The following NDEL1 variants were observed in gnomAD, a reference collection of about 807,000 sequenced individuals.
NDEL1 encodes the protein nudE neurodevelopment protein 1 like 1.
A neutral mutation model predicts 45.7 loss-of-function variants in NDEL1; 9 were observed. The ratio of observed to expected loss-of-function variants is 0.20; its 90% confidence interval spans 0.12 to 0.34. The LOEUF (loss-of-function observed/expected upper bound fraction) is 0.34, where lower values mean the gene tolerates loss of function less well. NDEL1 is among the 10% of genes least tolerant of loss of function. The pLI is 1.00. For missense variants in NDEL1, 306 were observed against 406.2 expected (o/e 0.75, Z 2.12); for synonymous variants, 133 against 158.6 (o/e 0.84, Z 1.21).
At chr17:8,432,347 A>AT (rs1597516746), upstream of NDEL1, among the ~76,000 whole-genome samples, 4 of 58,434 alleles carry the variant, frequency 6.8e-5, no homozygotes, top group African/African-American at 9.9e-5. Flanking sequence ...ATTATATATA[A>AT]ATATAAATAT....
At chr17:8,446,728 G>GTACT (rs1567732382) in intron 3 of NDEL1, 26 bp from the exon 4 acceptor site, 2 of 1,611,716 alleles carry the variant, frequency 1.2e-6, no homozygotes, top group Non-Finnish European at 1.7e-6. Context: ...TTAATGACAT[G>GTACT]TACTTTCCTA....
rs747275182 is a variant in NDEL1, at chr17:8,466,987, A to G, written c.1002A>G (p.Pro334=). The G allele has an allele frequency of 6.2e-7, 1 of 1,614,106 alleles. No homozygotes were observed. The highest frequency in any genetic ancestry group is 8.5e-7 in the Non-Finnish European group (1 of 1,180,008). The part of the protein sequence containing the change: ...PPPPGLGSSR[P]SSAPGMLPLS... ...CTCCTGGTCTGGGCTCCTCGCGTCC[A>G]TCGTCAGCGCCGGGTATGCTGCCTC... Residue 334 remains proline (P), a synonymous_variant, in exon 9 of 9, where the codon CCA becomes CCG. Transcript: ENST00000334527.
chr17:8,436,475 G>A (rs954715494), intron 1 of NDEL1: 1 of 153,334 alleles, frequency 6.5e-6, no homozygotes, highest in African/African-American at 2.4e-5. Context: ...GCTTGGAGCG[G>A]GGTTGCATTT....
intron 1 of NDEL1, among the ~76,000 whole-genome samples, chr17:8,421,819 G>A (rs1908714427): frequency 6.6e-6 from 1 of 152,148 alleles, no homozygotes; most frequent in Non-Finnish European, 1.5e-5. Flanking sequence ...CCCAGGAGAG[G>A]GCTGACTCTG....
intron 2 of NDEL1, 178 bp downstream of exon 2, chr17:8,444,535 T>G: frequency 1.9e-6 from 1 of 539,684 alleles, no homozygotes; most frequent in Non-Finnish European, 3.3e-6. Flanking sequence ...AAACATGCCA[T>G]AAGTCTTTAT....
chr17:8,456,078 A>G (rs559807576), intron 7 of NDEL1, among the ~76,000 whole-genome samples: 13 of 152,078 alleles, frequency 8.5e-5, no homozygotes, highest in South Asian at 4.2e-4. Context: ...TACCCCCTTC[A>G]CTTATTTTCG....
At chr17:8,439,867 C>G (rs1256879432) in intron 1 of NDEL1, among the ~76,000 whole-genome samples, 1 of 152,118 alleles carries the variant, frequency 6.6e-6, no homozygotes, top group Non-Finnish European at 1.5e-5. Flanking sequence ...TAATGATTAT[C>G]CCCATTTTAC....
intron 3 of NDEL1, chr17:8,474,300 T>C (rs1259077354): frequency 2.6e-5 from 4 of 152,622 alleles, no homozygotes; most frequent in African/African-American, 9.6e-5. Flanking sequence ...CAAATATCTA[T>C]AATGAATAAA....
At position 8,441,584 on chromosome 17, in the gene NDEL1, C is replaced by T. The variant is rs75125213; in HGVS notation, c.-12-2676C>T. Among the ~76,000 whole-genome samples the T allele has an allele frequency of 9.0e-3, 1,376 of 152,222 alleles. 18 individuals are homozygous for T. The highest frequency in any genetic ancestry group is 0.031 in the African/African-American group (1,303 of 41,534). On this transcript the variant is annotated intron_variant, in intron 1 of 8. Coordinates refer to ENST00000334527, the MANE Select transcript of NDEL1 (RefSeq NM_030808.5). ...TAAGGATCAGGACTTTCTTCTATTGCTTTTTTTATTTTCCTGAGCTTTTAA... is the reference window on the plus strand; with the variant it reads ...TAAGGATCAGGACTTTCTTCTATTGTTTTTTTTATTTTCCTGAGCTTTTAA...
At chr17:8,466,085 A>C (rs1348391233) in intron 8 of NDEL1, 1 of 152,204 alleles carries the variant, frequency 6.6e-6, no homozygotes, top group Non-Finnish European at 1.5e-5. Flanking sequence ...GTTGCTTGCT[A>C]AACAATTTTT....
intron 1 of NDEL1, among the ~76,000 whole-genome samples, chr17:8,426,606 G>A (rs1361190857): frequency 2.6e-5 from 4 of 152,100 alleles, no homozygotes; most frequent in South Asian, 2.1e-4. Flanking sequence ...TCACGTGGTC[G>A]GGATGAGAGC....
rs768046405 is a variant in NDEL1, at chr17:8,463,333, A to G, written c.944+3173A>G. ...TTCTTTTATTAGGCAAGAAAAAGTC[A>G]TATTTCCCACGTTGTTCATGGGTAA... On this transcript the variant is annotated intron_variant, in intron 8 of 8. Transcript: ENST00000334527. 3.7e-5 allele frequency: 60 copies of G among 1,612,938 alleles called. No individual in the cohort carries two copies. In the South Asian group the frequency reaches 3.8e-4, roughly 10 times the overall value.
Position 8,467,532 on chromosome 17 carries a change from A to C in NDEL1, c.*509A>C, listed in dbSNP as rs1911682627. On this transcript the variant is annotated 3_prime_UTR_variant, in exon 9 of 9. Coordinates refer to ENST00000334527, the MANE Select transcript of NDEL1 (RefSeq NM_030808.5). This position sits in a 1 kb window ranked among gnomAD's most constrained non-coding sequence, Gnocchi z 6.3. ...TTGGGCCTGTTTCTGGCAAAGAGTC[A>C]GGAAGGTTACTGAATTAGGGAACAT... The C allele has an allele frequency of 3.3e-6, 1 of 300,106 alleles. No individual in the cohort carries two copies. The allele number at this position is 300,106 out of a possible 1,614,324, so 18.6% of individuals were successfully genotyped here.
rs1910256155 is a variant in NDEL1 at position 8,448,698 on chromosome 17, A to C, written c.526+12A>C. On this transcript the variant is annotated intron_variant, in intron 5 of 8. Transcript: ENST00000334527. ...GGATGAAGCAAGAGGTAAAATTTAT[A>C]ACTTAAAGAATACAGTTGACCCTTG... 1.9e-6 allele frequency: 3 copies of C among 1,604,048 alleles called. No homozygotes were observed. Among genetic ancestry groups the C allele is most frequent in the Non-Finnish European group, 2.6e-6 (3 of 1,173,308 alleles).
intron 1 of NDEL1, among the ~76,000 whole-genome samples, chr17:8,415,354 A>G (rs940245007): frequency 5.3e-5 from 8 of 151,572 alleles, no homozygotes; most frequent in African/African-American, 1.9e-4. Flanking sequence ...AATTTTTTGC[A>G]TTTTTTTAGA....
chr17:8,419,028 T>C (rs1366354038), intron 1 of NDEL1, among the ~76,000 whole-genome samples: 2 of 151,822 alleles, frequency 1.3e-5, no homozygotes, highest in African/African-American at 2.4e-5. Flanking sequence ...TTTTTTATTT[T>C]GTATAGACGC....
chr17:8,469,300 G>A (rs1160898755), downstream of NDEL1, among the ~76,000 whole-genome samples: 1 of 152,186 alleles, frequency 6.6e-6, no homozygotes, highest in Non-Finnish European at 1.5e-5. Context: ...ACCTCTTTAT[G>A]TAGGAACCCC....
At chr17:8,446,180 T>C (rs1910068966) in intron 3 of NDEL1, 1 of 192,796 alleles carries the variant, frequency 5.2e-6, no homozygotes, top group Admixed American at 6.0e-5. Context: ...CATTCTGCAG[T>C]ATGTTTACAA....
At chr17:8,427,942 G>T (rs1908880400) in intron 1 of NDEL1, among the ~76,000 whole-genome samples, 1 of 152,090 alleles carries the variant, frequency 6.6e-6, no homozygotes. Context: ...TCACATCTTG[G>T]TTACATCTTA....
Sources: allele counts gnomAD v4.1 joint callset (sites outside exome capture counted in the v4.1 genomes callset), GRCh38; gene constraint gnomAD v4.1.1; non-coding constraint Gnocchi (gnomAD v3.1); transcripts MANE v1.5; gene names NCBI Gene and HGNC (gene_info 2026-07-23, HGNC 2026-07-21).